The following GASK1B variants were observed in gnomAD, a reference collection of about 807,000 sequenced individuals.
GASK1B encodes Golgi-associated kinase 1B.
A neutral mutation model predicts 42.8 loss-of-function variants in GASK1B; 34 were observed. The observed-to-expected ratio is 0.79, with a 90% CI of 0.60 to 1.06. GASK1B has a LOEUF of 1.06. Among genes scored for constraint, GASK1B ranks in the 50% least tolerant of loss-of-function variants. The pLI is 0.00. For missense variants in GASK1B, 686 were observed against 661.0 expected, an observed-to-expected ratio of 1.04 and a Z score of -0.42; for synonymous variants, 262 against 259.1, an observed-to-expected ratio of 1.01 and a Z score of -0.11.
intron 3 of GASK1B, among the ~76,000 whole-genome samples, chr4:158,139,481 T>C (rs377568369): frequency 1.3e-5 from 2 of 152,258 alleles, no homozygotes; most frequent in African/African-American, 4.8e-5. Flanking sequence ...TGTAATACCT[T>C]TGAAGTTACT....
At chr4:158,155,556 T>G in intron 3 of GASK1B, 55 bp downstream of exon 3, 1 of 1,424,864 alleles carries the variant, frequency 7.0e-7, no homozygotes, top group Non-Finnish European at 9.8e-7. Context: ...AGTGTCAGGC[T>G]AATATAACTC....
At chr4:158,149,490 C>T (rs1348189226) in intron 3 of GASK1B, among the ~76,000 whole-genome samples, 2 of 152,164 alleles carry the variant, frequency 1.3e-5, no homozygotes, top group African/African-American at 4.8e-5. Flanking sequence ...TAAGGGTTTG[C>T]TCTCTATTCA....
intron 2 of GASK1B, among the ~76,000 whole-genome samples, chr4:158,165,603 A>G (rs78160465): frequency 0.021 from 3,173 of 152,304 alleles, 111 homozygotes; most frequent in African/African-American, 0.071. Flanking sequence ...GAATAGAAAA[A>G]AGAAATTAAA....
Position 158,170,940 on chromosome 4 carries a change from C to T in GASK1B, c.436G>A (p.Val146Ile), listed in dbSNP as rs1276748514. 5 of 1,614,136 alleles carry T rather than the reference C, an allele frequency of 3.1e-6. No homozygotes were observed. In the South Asian group the frequency reaches 4.4e-5, roughly 14 times the overall value. ...TCCTGCGGCTGAAGGGATGGTCCGA[C>T]CAAAGCCTCCTGCCCTGGGGCAGCC... is the stretch of plus-strand genomic sequence containing the variant. ...ASAAPGQEALVGPSLQPQEAA... is the reference protein window; with the variant it reads ...ASAAPGQEALIGPSLQPQEAA... The change falls in exon 2 of 5, where the codon GTC becomes ATC. Residue 146 changes from valine to isoleucine, a missense_variant. By Grantham distance (29) the Val-to-Ile change is conservative. Transcript: ENST00000585682.
intron 3 of GASK1B, among the ~76,000 whole-genome samples, chr4:158,140,800 G>A (rs146534519): frequency 2.6e-5 from 4 of 152,246 alleles, no homozygotes; most frequent in Non-Finnish European, 5.9e-5. Context: ...TTCTAGCCCA[G>A]CTATGTCTAT....
At chr4:158,133,891 G>T (rs1730779630) in intron 3 of GASK1B, among the ~76,000 whole-genome samples, 2 of 151,942 alleles carry the variant, frequency 1.3e-5, no homozygotes, top group African/African-American at 4.8e-5. Context: ...TACTTGATGG[G>T]CATATGTGTG....
chr4:158,163,691 C>T (rs780914860), intron 2 of GASK1B, among the ~76,000 whole-genome samples: 2 of 151,912 alleles, frequency 1.3e-5, no homozygotes, highest in Non-Finnish European at 2.9e-5. Context: ...TTTTTATTGT[C>T]ATTATCCCTA....
intron 4 of GASK1B, among the ~76,000 whole-genome samples, chr4:158,128,784 T>C (rs1394002194): frequency 1.3e-5 from 2 of 152,166 alleles, no homozygotes; most frequent in Non-Finnish European, 2.9e-5. Flanking sequence ...TGTGAGGAAG[T>C]GCGGAATGAA....
At chr4:158,170,364 C>G (rs370934434) in intron 2 of GASK1B, 102 bp downstream of exon 2, 2 of 1,613,940 alleles carry the variant, frequency 1.2e-6, no homozygotes, top group African/African-American at 1.3e-5. Context: ...AAATGTGAAC[C>G]GTGGGTGGAG....
intron 3 of GASK1B, among the ~76,000 whole-genome samples, chr4:158,133,895 ATGTG>A (rs143535648): frequency 1.2e-3 from 175 of 150,708 alleles, no homozygotes; most frequent in African/African-American, 3.5e-3. Context: ...TGATGGGCAT[ATGTG>A]TGTGTGTGTG....
chr4:158,155,518 T>C (rs780229004), intron 3 of GASK1B, 93 bp downstream of exon 3: 11 of 1,121,556 alleles, frequency 9.8e-6, no homozygotes, highest in Non-Finnish European at 1.4e-5. Context: ...ACCAGCTTCA[T>C]AAAAACTCCA....
intron 3 of GASK1B, among the ~76,000 whole-genome samples, chr4:158,152,821 C>T (rs1016568872): frequency 3.9e-5 from 6 of 152,186 alleles, no homozygotes; most frequent in Non-Finnish European, 4.4e-5. Context: ...TTAAAACCCA[C>T]AGCAAAACTG....
rs756812523 is a variant in GASK1B at position 158,170,791 on chromosome 4, GA to G, written c.584del (p.Phe195SerfsTer22). ...GPGVRAGGPD[F>X]LQPSSRESNI... ...TGCTCTCCCTGGAGCTGGGCTGCAG[GA>G]AGTCTGGGCCCCCGGCTCGCACTCC... is the stretch of plus-strand genomic sequence containing the variant. On this transcript the variant is annotated frameshift_variant, in exon 2 of 5. Transcript: ENST00000585682. LOFTEE classifies it high-confidence loss of function. The G allele has an allele frequency of 6.2e-7, 1 of 1,614,222 alleles. No homozygotes were observed. The highest frequency in any genetic ancestry group is 8.5e-7 in the Non-Finnish European group (1 of 1,180,032).
chr4:158,132,832 C>A (rs984215453), intron 3 of GASK1B, among the ~76,000 whole-genome samples: 11 of 152,158 alleles, frequency 7.2e-5, no homozygotes, highest in African/African-American at 2.7e-4. Flanking sequence ...ATAAGTCTAA[C>A]CCATAGTTCA....
rs947268025 is a variant in GASK1B at position 158,145,717 on chromosome 4, C to T, written c.1125+9894G>A. On this transcript the variant is annotated intron_variant, in intron 3 of 4. Transcript: ENST00000585682. ...CTGTCCCTTGTACTAGATTGTATAA[C>T]TCCTGAGGGCTGGAAAATGGTCTCA... is the stretch of plus-strand genomic sequence containing the variant. 4.6e-5 allele frequency among the ~76,000 whole-genome samples: 7 copies of T among 152,158 alleles called. No homozygotes were observed. In the East Asian group the frequency reaches 1.2e-3, roughly 25 times the overall value.
intron 2 of GASK1B, among the ~76,000 whole-genome samples, chr4:158,161,855 T>A (rs974202291): frequency 5.9e-5 from 9 of 152,146 alleles, no homozygotes; most frequent in African/African-American, 2.2e-4. Flanking sequence ...CTTCTTACAG[T>A]GCAAAGCCCA....
At position 158,170,905 on chromosome 4, in the gene GASK1B, C is replaced by T; in HGVS notation, c.471G>A (p.Arg157=). ...ACCCAGGTGCTACAGCATCAGCTTC[C>T]CTTGCCGCTTCCTGCGGCTGAAGGG... ...GPSLQPQEAA[R]EADAVAPGYA... Residue 157 remains arginine (R), a synonymous_variant, in exon 2 of 5, where the codon AGG becomes AGA. Coordinates refer to ENST00000585682, the MANE Select transcript of GASK1B (RefSeq NM_001128424.2). 6.2e-7 allele frequency: 1 copy of T among 1,614,242 alleles called. No individual in the cohort carries two copies. Among genetic ancestry groups the T allele is most frequent in the Middle Eastern group, 1.6e-4 (1 of 6,062 alleles).
intron 3 of GASK1B, among the ~76,000 whole-genome samples, chr4:158,131,800 C>G (rs1199118583): frequency 6.6e-6 from 1 of 152,168 alleles, no homozygotes; most frequent in African/African-American, 2.4e-5. Context: ...CACTTCTGAG[C>G]TCTGCAACCT....
chr4:158,155,671 A>G lies in GASK1B; in HGVS notation c.1065T>C (p.Gly355=), dbSNP rs1205717948. The G allele has an allele frequency of 1.9e-6, 3 of 1,613,898 alleles. No homozygotes were observed. Among genetic ancestry groups the G allele is most frequent in the Non-Finnish European group, 2.5e-6 (3 of 1,179,826 alleles). Residue 355 remains glycine, a synonymous_variant, in exon 3 of 5, where the codon GGT becomes GGC. Coordinates refer to ENST00000585682, the MANE Select transcript of GASK1B (RefSeq NM_001128424.2). ...QNGRVPKPES[G]CTEIHHHEWS... is the part of the protein sequence containing the mutation. ...ACTCATGATGATGTATTTCAGTACA[A>G]CCCGATTCAGGCTTGGGTACTCGGC... is the stretch of plus-strand genomic sequence containing the variant.
Sources: gnomAD v4.1 joint callset for allele counts (sites outside exome capture counted in the v4.1 genomes callset) on GRCh38, gnomAD v4.1.1 for gene constraint, MANE v1.5 for transcripts, NCBI Gene and HGNC (gene_info 2026-07-23, HGNC 2026-07-21) for gene names.